SCG5: variants seen among roughly 807,000 people sequenced by gnomAD.
The protein encoded by SCG5 is neuroendocrine protein 7B2.
In SCG5, 18 loss-of-function variants were observed where a neutral mutation model predicts 25.7. The ratio of observed to expected loss-of-function variants is 0.70; its 90% CI spans 0.48 to 1.04. SCG5 has a LOEUF of 1.04. SCG5 is among the 50% of genes least tolerant of loss of function. SCG5 has a pLI of 0.00. For missense variants in SCG5, 206 were observed against 259.8 expected (o/e 0.79, Z 1.42); for synonymous variants, 101 against 91.7 (o/e 1.10, Z -0.58).
chr15:32,690,057 G>A (rs904758646), intron 4 of SCG5, among the ~76,000 whole-genome samples: 2 of 152,130 alleles, frequency 1.3e-5, no homozygotes, highest in Non-Finnish European at 2.9e-5. Context: ...TAGCCGGGAT[G>A]GTCTCGATCT....
At chr15:32,685,941 A>G (rs2054701394) in intron 4 of SCG5, among the ~76,000 whole-genome samples, 1 of 152,248 alleles carries the variant, frequency 6.6e-6, no homozygotes, top group Non-Finnish European at 1.5e-5. Flanking sequence ...TGAAATTTCA[A>G]AACTAAACTC....
intron 2 of SCG5, among the ~76,000 whole-genome samples, chr15:32,674,747 C>G (rs928445468): frequency 6.6e-6 from 1 of 152,154 alleles, no homozygotes; most frequent in African/African-American, 2.4e-5. Context: ...TCAAACCAAC[C>G]AGGTCAACTT....
chr15:32,674,732 G>A (rs1330016669), intron 2 of SCG5, among the ~76,000 whole-genome samples: 3 of 152,188 alleles, frequency 2.0e-5, no homozygotes, highest in Non-Finnish European at 4.4e-5. Context: ...AGGCCAGGGA[G>A]AGACTCAAAC....
intron 2 of SCG5, among the ~76,000 whole-genome samples, chr15:32,679,105 C>T (rs1469113973): frequency 6.6e-6 from 1 of 152,200 alleles, no homozygotes. Flanking sequence ...AGAGCCCTAC[C>T]CATCTGTGTT....
chr15:32,673,862 T>C (rs554637794), intron 2 of SCG5, among the ~76,000 whole-genome samples: 3 of 151,824 alleles, frequency 2.0e-5, no homozygotes, highest in Middle Eastern at 3.4e-3. Context: ...GCCTCCTGAG[T>C]AGTTGGGATT....
At chr15:32,684,497 A>T in intron 3 of SCG5, 60 bp from the exon 4 acceptor site, 1 of 1,069,234 alleles carries the variant, frequency 9.4e-7, no homozygotes, top group Non-Finnish European at 1.4e-6. Context: ...TTGATAAATT[A>T]ACTCTTAGAA....
chr15:32,694,959 T>C lies in SCG5; in HGVS notation c.544-1555T>C, dbSNP rs112869691. 3.5e-3 allele frequency among the ~76,000 whole-genome samples: 534 copies of C among 152,298 alleles called. 1 individual carries two copies. Among genetic ancestry groups the C allele is most frequent in the African/African-American group, 0.012 (519 of 41,566 alleles). On this transcript the variant is annotated intron_variant, in intron 5 of 5. Transcript: ENST00000300175. ...AACAGACTCCATTCATACATGGGGA[T>C]TGAGCATGCAACAGGGATTGCTGAT... is the stretch of plus-strand genomic sequence containing the variant.
At chr15:32,681,963 A>C (rs996403608) in intron 3 of SCG5, among the ~76,000 whole-genome samples, 2 of 152,178 alleles carry the variant, frequency 1.3e-5, no homozygotes, top group Non-Finnish European at 2.9e-5. Flanking sequence ...CTGGGCCAGG[A>C]AGGCAGGAAA....
At chr15:32,684,088 C>T (rs1417466654) in intron 3 of SCG5, among the ~76,000 whole-genome samples, 2 of 152,164 alleles carry the variant, frequency 1.3e-5, no homozygotes, top group Non-Finnish European at 1.5e-5. Context: ...TACACTTGAC[C>T]CCCACAGTTG....
chr15:32,655,551 G>A (rs1261889457), intron 2 of SCG5, among the ~76,000 whole-genome samples: 8 of 152,114 alleles, frequency 5.3e-5, no homozygotes, highest in African/African-American at 1.9e-4. Context: ...GGAGGGCAAC[G>A]GGAAATCCCC....
chr15:32,656,296 C>T (rs2054115978), intron 2 of SCG5: 1 of 152,262 alleles, frequency 6.6e-6, no homozygotes, highest in African/African-American at 2.4e-5. Context: ...AAGAGGGAGG[C>T]AACAGGAAGT....
chr15:32,688,471 T>C (rs2054765585), intron 4 of SCG5, among the ~76,000 whole-genome samples: 1 of 152,210 alleles, frequency 6.6e-6, no homozygotes, highest in Non-Finnish European at 1.5e-5. Flanking sequence ...GACCTTAACA[T>C]GTTTGATGAG....
intron 1 of SCG5, among the ~76,000 whole-genome samples, chr15:32,643,095 C>T (rs1293001308): frequency 6.6e-6 from 1 of 152,168 alleles, no homozygotes; most frequent in Non-Finnish European, 1.5e-5. Flanking sequence ...GAAATGTTTC[C>T]CTGCCACCAC....
At chr15:32,693,876 G>A (rs1471518606) in intron 5 of SCG5, among the ~76,000 whole-genome samples, 7 of 152,140 alleles carry the variant, frequency 4.6e-5, no homozygotes, top group African/African-American at 7.2e-5. Flanking sequence ...TTGGGAGGCC[G>A]AGGAGGGTGG....
intron 3 of SCG5, among the ~76,000 whole-genome samples, chr15:32,683,898 A>T (rs78368819): frequency 1.3e-5 from 2 of 152,234 alleles, no homozygotes; most frequent in African/African-American, 4.8e-5. Context: ...CTCAGGAGAA[A>T]ACAGAGTGGG....
intron 5 of SCG5, 74 bp downstream of exon 5, chr15:32,691,837 C>G: frequency 6.4e-7 from 1 of 1,572,696 alleles, no homozygotes; most frequent in Non-Finnish European, 8.6e-7. Context: ...AGGCTGAAAC[C>G]CTCGCTTGTT....
intron 4 of SCG5, among the ~76,000 whole-genome samples, chr15:32,688,835 T>C (rs1033482682): frequency 2.6e-5 from 4 of 151,976 alleles, no homozygotes; most frequent in African/African-American, 9.7e-5. Context: ...GGCGGGTGCC[T>C]GTAGTCCCAG....
chr15:32,658,077 G>C (rs922076774), intron 2 of SCG5, among the ~76,000 whole-genome samples: 1 of 152,178 alleles, frequency 6.6e-6, no homozygotes, highest in Admixed American at 6.5e-5. Flanking sequence ...AAGATTAGGA[G>C]TAACGAAGTG....
chr15:32,669,483 C>A (rs77029001), intron 2 of SCG5, among the ~76,000 whole-genome samples: 2 of 152,120 alleles, frequency 1.3e-5, no homozygotes, highest in Non-Finnish European at 2.9e-5. Context: ...TCCACTCTGA[C>A]CCTCAGCTAA....
Sources: gnomAD v4.1 joint callset for allele counts (sites outside exome capture counted in the v4.1 genomes callset) on GRCh38, gnomAD v4.1.1 for gene constraint, MANE v1.5 for transcripts, NCBI Gene and HGNC (gene_info 2026-07-23, HGNC 2026-07-21) for gene names.